GNG7: variants seen among roughly 807,000 people sequenced by gnomAD.
The protein encoded by GNG7 is guanine nucleotide-binding protein G(I)/G(S)/G(O) subunit gamma-7.
Under a neutral mutation model 4.0 loss-of-function variants are expected in GNG7, and 1 was observed. That is an observed-to-expected ratio of 0.25 (90% CI 0.09 to 1.18). The LOEUF (loss-of-function observed/expected upper bound fraction) is 1.18, where lower values mean the gene tolerates loss of function less well. Among genes scored for constraint, GNG7 ranks in the 50% most tolerant of loss-of-function variants. The pLI is 0.50. For missense variants in GNG7, 86 were observed against 91.9 expected (o/e 0.94, Z 0.26); for synonymous variants, 34 against 36.9 (o/e 0.92, Z 0.29).
intron 2 of GNG7, among the ~76,000 whole-genome samples, chr19:2,607,392 G>A (rs1466884423): frequency 1.3e-5 from 2 of 151,542 alleles, no homozygotes; most frequent in African/African-American, 4.9e-5. Context: ...AGCCGAGCAT[G>A]ATGGCAGGCG....
chr19:2,619,245 C>T (rs76241962), intron 2 of GNG7, among the ~76,000 whole-genome samples: 2,491 of 152,230 alleles, frequency 0.016, 61 homozygotes, highest in African/African-American at 0.057. Flanking sequence ...TAACTACGGC[C>T]CCTGGACCAC....
intron 2 of GNG7, among the ~76,000 whole-genome samples, chr19:2,568,925 A>G (rs1980055955): frequency 6.6e-6 from 1 of 152,136 alleles, no homozygotes; most frequent in African/African-American, 2.4e-5. Context: ...ATACATACAT[A>G]TACAAATATA....
chr19:2,529,310 A>G (rs2005785), intron 3 of GNG7, among the ~76,000 whole-genome samples: 52,280 of 152,088 alleles, frequency 0.34, 9,242 homozygotes, highest in East Asian at 0.51. Context: ...TCCGCCTCCC[A>G]GGTTCAAGCG....
intron 2 of GNG7, among the ~76,000 whole-genome samples, chr19:2,592,642 C>T (rs190352890): frequency 6.7e-6 from 1 of 150,160 alleles, no homozygotes; most frequent in Non-Finnish European, 1.5e-5. Flanking sequence ...GACGTTGAGG[C>T]AGAAGGATTG....
chr19:2,673,273 C>CAA (rs1568281166), intron 1 of GNG7, among the ~76,000 whole-genome samples: 3 of 114,988 alleles, frequency 2.6e-5, no homozygotes, highest in African/African-American at 1.1e-4. Flanking sequence ...AAAAACAAAA[C>CAA]AAAACAAAAC....
intron 1 of GNG7, among the ~76,000 whole-genome samples, chr19:2,694,320 C>G (rs946894059): frequency 2.6e-5 from 4 of 151,790 alleles, no homozygotes. Context: ...AGGATCTGTT[C>G]TACCATAGCC....
At chr19:2,577,681 A>G (rs567144165) in intron 2 of GNG7, among the ~76,000 whole-genome samples, 280 of 126,320 alleles carry the variant, frequency 2.2e-3, no homozygotes, top group African/African-American at 8.3e-3. Context: ...AGCCTGGGTG[A>G]CAGAGCAAGA....
intron 3 of GNG7, among the ~76,000 whole-genome samples, chr19:2,550,224 C>G (rs562978150): frequency 2.6e-5 from 4 of 152,068 alleles, no homozygotes; most frequent in Admixed American, 6.6e-5. Flanking sequence ...ACCCTCCTTG[C>G]TGGCTTATTT....
intron 2 of GNG7, among the ~76,000 whole-genome samples, chr19:2,593,946 T>C (rs567566038): frequency 4.7e-4 from 43 of 91,092 alleles, no homozygotes; most frequent in African/African-American, 1.3e-3. Context: ...AAAAAAAACT[T>C]TCTTACCTCA....
chr19:2,668,541 C>T (rs188886284), intron 1 of GNG7, among the ~76,000 whole-genome samples: 1 of 152,094 alleles, frequency 6.6e-6, no homozygotes, highest in Non-Finnish European at 1.5e-5. Context: ...CTGGAGGGAG[C>T]CCCCGGAACA....
At chr19:2,551,396 G>A (rs570967270) in intron 3 of GNG7, among the ~76,000 whole-genome samples, 1 of 152,188 alleles carries the variant, frequency 6.6e-6, no homozygotes, top group South Asian at 2.1e-4. Flanking sequence ...CATCCTGAGT[G>A]TCATTTGTGT....
chr19:2,646,497 C>T (rs988930694), intron 1 of GNG7, among the ~76,000 whole-genome samples: 1 of 152,108 alleles, frequency 6.6e-6, no homozygotes, highest in African/African-American at 2.4e-5. Context: ...ACCAGCCTGG[C>T]CAACATGGCA....
chr19:2,642,637 A>G (rs1419919701), intron 2 of GNG7: 1 of 374,452 alleles, frequency 2.7e-6, no homozygotes, highest in African/African-American at 2.1e-5. Context: ...ACTAGCAGGG[A>G]CTACAGGTGC....
In GNG7 at chr19:2,609,419, G is replaced by T. The variant is rs1981493338; in HGVS notation, c.-78+36805C>A. Among the ~76,000 whole-genome samples the T allele has an allele frequency of 6.6e-6, 1 of 152,084 alleles. No individual in the cohort carries two copies. Among genetic ancestry groups the T allele is most frequent in the South Asian group, 2.1e-4 (1 of 4,822 alleles). On this transcript the variant is annotated intron_variant, in intron 2 of 4. Coordinates refer to ENST00000382159, the MANE Select transcript of GNG7 (RefSeq NM_052847.3). This position sits in a 1 kb window ranked among gnomAD's most constrained non-coding sequence, Gnocchi z 4.4. Reference sequence around the variant, plus strand: ...TGTGCCCAGTGTGAATACATTGCTTGCCTGACCCTGGTCCTGCCCTGGGAT... The same window carrying T: ...TGTGCCCAGTGTGAATACATTGCTTTCCTGACCCTGGTCCTGCCCTGGGAT...
chr19:2,572,989 C>CT, intron 2 of GNG7, among the ~76,000 whole-genome samples: 1 of 149,868 alleles, frequency 6.7e-6, no homozygotes, highest in East Asian at 2.0e-4. Context: ...TGCATATTCT[C>CT]TGTGGATCTG....
chr19:2,534,671 A>G (rs1335711347), intron 3 of GNG7, among the ~76,000 whole-genome samples: 3 of 152,224 alleles, frequency 2.0e-5, no homozygotes, highest in Non-Finnish European at 4.4e-5. Flanking sequence ...TATTTATTAT[A>G]AGAAATTGGC....
At chr19:2,586,899 C>T (rs1022828716) in intron 2 of GNG7, among the ~76,000 whole-genome samples, 1 of 146,500 alleles carries the variant, frequency 6.8e-6, no homozygotes, top group Non-Finnish European at 1.5e-5. Context: ...GCAGGAGAAT[C>T]GCTTGAGCCG....
intron 2 of GNG7, among the ~76,000 whole-genome samples, chr19:2,556,415 C>T (rs531857813): frequency 6.6e-6 from 1 of 152,322 alleles, no homozygotes; most frequent in South Asian, 2.1e-4. Context: ...GGCTGTTTCC[C>T]TCCTGCCCTG....
chr19:2,518,878 C>A (rs895440961), intron 4 of GNG7, among the ~76,000 whole-genome samples: 1 of 152,078 alleles, frequency 6.6e-6, no homozygotes, highest in African/African-American at 2.4e-5. Flanking sequence ...TCACTGCAAC[C>A]TCTGCCTCTC....
Sources: allele counts gnomAD v4.1 joint callset (sites outside exome capture counted in the v4.1 genomes callset), GRCh38; gene constraint gnomAD v4.1.1; non-coding constraint Gnocchi (gnomAD v3.1); transcripts MANE v1.5; gene names NCBI Gene and HGNC (gene_info 2026-07-23, HGNC 2026-07-21).